MACROD1: variants seen among roughly 807,000 people sequenced by gnomAD.
The protein encoded by MACROD1 is mono-ADP ribosylhydrolase 1, also known as ADP-ribose glycohydrolase MACROD1.
Under a neutral mutation model 41.4 loss-of-function variants are expected in MACROD1, and 31 were observed. That is an observed-to-expected ratio of 0.75 (90% CI 0.56 to 1.01). The LOEUF is 1.01. MACROD1 is among the 50% of genes least tolerant of loss of function. MACROD1 has a pLI of 0.00. For synonymous variants in MACROD1, 252 were observed against 203.4 expected (o/e 1.24, Z -2.03); for missense variants, 473 against 460.0 (o/e 1.03, Z -0.26).
At chr11:64,110,473 C>CGAA (rs1329757761) in intron 3 of MACROD1, among the ~76,000 whole-genome samples, 3 of 151,590 alleles carry the variant, frequency 2.0e-5, no homozygotes, top group African/African-American at 7.3e-5. Flanking sequence ...AGAAAGAAAT[C>CGAA]ATACCACCTG....
At chr11:64,062,726 C>G (rs1419914837) in intron 3 of MACROD1, among the ~76,000 whole-genome samples, 1 of 152,330 alleles carries the variant, frequency 6.6e-6, no homozygotes, top group African/African-American at 2.4e-5. Context: ...CCCCGCGCAG[C>G]CTGACCCAGG....
chr11:64,152,397 C>T lies in MACROD1; in HGVS notation c.299-4G>A. 1 of 1,612,742 alleles carries T rather than the reference C, an allele frequency of 6.2e-7. No homozygotes were observed. The highest frequency in any genetic ancestry group is 8.5e-7 in the Non-Finnish European group (1 of 1,178,686). Reference sequence around the variant, plus strand: ...TCACTCAGGCCCTTCAGAAAGGCTGCAGAGGCAGGAAGGAGGATCAGGGTG... The same window carrying T: ...TCACTCAGGCCCTTCAGAAAGGCTGTAGAGGCAGGAAGGAGGATCAGGGTG... On this transcript the variant is annotated splice_polypyrimidine_tract_variant and splice_region_variant and intron_variant, in intron 1 of 10. Coordinates refer to ENST00000255681, the MANE Select transcript of MACROD1 (RefSeq NM_014067.4).
intron 3 of MACROD1, among the ~76,000 whole-genome samples, chr11:64,142,845 G>A (rs958142055): frequency 2.0e-5 from 3 of 152,116 alleles, no homozygotes; most frequent in African/African-American, 7.2e-5. Context: ...GCCGGGCATG[G>A]TGGCTCACGG....
chr11:64,045,374 C>T (rs1220306994), intron 3 of MACROD1, among the ~76,000 whole-genome samples: 4 of 152,144 alleles, frequency 2.6e-5, no homozygotes, highest in Admixed American at 6.5e-5. Flanking sequence ...TCTGCTCCGC[C>T]GGGACCTGGG....
intron 3 of MACROD1, among the ~76,000 whole-genome samples, chr11:64,095,530 T>C (rs947383288): frequency 6.6e-6 from 1 of 152,188 alleles, no homozygotes; most frequent in Non-Finnish European, 1.5e-5. Context: ...AGAGGGCACC[T>C]GTCCCTGGGG....
intron 3 of MACROD1, among the ~76,000 whole-genome samples, chr11:64,100,531 C>G (rs575522886): frequency 2.0e-5 from 3 of 152,184 alleles, no homozygotes; most frequent in Admixed American, 2.0e-4. Flanking sequence ...TCCACTCACT[C>G]GAGCCAGAAG....
intron 3 of MACROD1, among the ~76,000 whole-genome samples, chr11:64,042,577 G>T (rs1343897051): frequency 6.6e-6 from 1 of 152,118 alleles, no homozygotes; most frequent in Non-Finnish European, 1.5e-5. Flanking sequence ...CTAGCCAATG[G>T]GGGGCTGGCC....
chr11:64,154,677 C>T (rs1702346910), intron 1 of MACROD1, among the ~76,000 whole-genome samples: 1 of 152,216 alleles, frequency 6.6e-6, no homozygotes, highest in Non-Finnish European at 1.5e-5. Flanking sequence ...TTTGTACCTG[C>T]TGTGCTCTGC....
chr11:64,145,477 C>T (rs1945482885), intron 3 of MACROD1, among the ~76,000 whole-genome samples: 2 of 152,276 alleles, frequency 1.3e-5, no homozygotes, highest in Middle Eastern at 6.8e-3. Context: ...CAGGGCTGGA[C>T]AGGCCTGAAC....
intron 3 of MACROD1, among the ~76,000 whole-genome samples, chr11:64,132,151 C>T (rs61143549): frequency 0.11 from 16,995 of 151,968 alleles, 2,493 homozygotes; most frequent in African/African-American, 0.33. Flanking sequence ...GACAAGGGGA[C>T]CTACAGTCTG....
intron 3 of MACROD1, among the ~76,000 whole-genome samples, chr11:64,071,102 G>T (rs1277411915): frequency 6.6e-6 from 1 of 152,138 alleles, no homozygotes; most frequent in African/African-American, 2.4e-5. Context: ...TCCACCTGGG[G>T]TGGCTTTTTG....
intron 4 of MACROD1, among the ~76,000 whole-genome samples, chr11:64,006,307 C>G (rs1249192752): frequency 6.6e-6 from 1 of 152,232 alleles, no homozygotes. Context: ...ATCTTTGCTT[C>G]TGCTCACACC....
intron 4 of MACROD1, among the ~76,000 whole-genome samples, chr11:64,011,113 G>A (rs930420533): frequency 6.7e-6 from 1 of 148,898 alleles, no homozygotes. Flanking sequence ...TGTTGGTTGG[G>A]GTGTTGGCTG....
At chr11:64,049,013 C>CTGCCTCCTGCCCTGGGGTGCCGGG (rs1211042377) in intron 3 of MACROD1, among the ~76,000 whole-genome samples, 5 of 152,236 alleles carry the variant, frequency 3.3e-5, no homozygotes, top group Non-Finnish European at 7.3e-5. Flanking sequence ...GGGGTGCCGG[C>CTGCCTCCTGCCCTGGGGTGCCGGG]TGCCTCCTGC....
chr11:64,163,167 T>C (rs1468303999), intron 1 of MACROD1, among the ~76,000 whole-genome samples: 1 of 151,218 alleles, frequency 6.6e-6, no homozygotes, highest in Non-Finnish European at 1.5e-5. Context: ...TAGCCGGGTA[T>C]AGTGGTGGGT....
At chr11:64,114,645 GGATGGATGAATGGACAGGTGGATA>G (rs919092986) in intron 3 of MACROD1, among the ~76,000 whole-genome samples, 4 of 151,752 alleles carry the variant, frequency 2.6e-5, no homozygotes, top group Admixed American at 6.6e-5. Context: ...ATGAATGGAT[GGATGGATGAATGGACAGGTGGATA>G]GATGGATGGA....
chr11:64,131,156 C>A (rs1565251919), intron 3 of MACROD1, among the ~76,000 whole-genome samples: 1 of 152,208 alleles, frequency 6.6e-6, no homozygotes, highest in Non-Finnish European at 1.5e-5. Flanking sequence ...CTCCCTGTCA[C>A]CCCCGCCCCA....
intron 3 of MACROD1, among the ~76,000 whole-genome samples, chr11:64,058,809 C>G (rs1035545292): frequency 6.6e-6 from 1 of 152,104 alleles, no homozygotes; most frequent in Admixed American, 6.5e-5. Flanking sequence ...TCCTCTCTGA[C>G]GGGTGGGAGG....
At chr11:64,115,304 C>T (rs1313844083) in intron 3 of MACROD1, among the ~76,000 whole-genome samples, 1 of 151,998 alleles carries the variant, frequency 6.6e-6, no homozygotes, top group Non-Finnish European at 1.5e-5. Flanking sequence ...ACCTTGCAGC[C>T]AATTCCCTCA....
Sources: allele counts gnomAD v4.1 joint callset (sites outside exome capture counted in the v4.1 genomes callset), GRCh38; gene constraint gnomAD v4.1.1; transcripts MANE v1.5; gene names NCBI Gene and HGNC (gene_info 2026-07-23, HGNC 2026-07-21).